The following FAM204A variants were observed in gnomAD, a reference collection of about 807,000 sequenced individuals.
The protein encoded by FAM204A is family with sequence similarity 204 member A, also known as protein FAM204A.
In FAM204A, 16 loss-of-function variants were observed where a neutral mutation model predicts 35.4. That is an observed-to-expected ratio of 0.45 (90% confidence interval 0.31 to 0.69). FAM204A has a LOEUF of 0.69. Among genes scored for constraint, FAM204A ranks in the 30% least tolerant of loss-of-function variants. The probability of loss-of-function intolerance (pLI) is 0.07; values close to 1 mark genes in which losing one functional copy is unlikely to be tolerated. For missense variants in FAM204A, 240 were observed against 265.7 expected, an observed-to-expected ratio of 0.90 and a Z score of 0.67; for synonymous variants, 76 against 86.9, an observed-to-expected ratio of 0.88 and a Z score of 0.70.
At chr10:118,326,279 A>G (rs751544654) in intron 6 of FAM204A, 36 bp from the exon 7 acceptor site, 35 of 1,558,186 alleles carry the variant, frequency 2.2e-5, no homozygotes, top group Admixed American at 8.5e-5. Flanking sequence ...AAGGGCTGGA[A>G]GGAAAGCAAA....
intron 7 of FAM204A, among the ~76,000 whole-genome samples, chr10:118,315,595 C>T (rs1463850737): frequency 1.3e-5 from 2 of 152,040 alleles, no homozygotes; most frequent in African/African-American, 2.4e-5. Flanking sequence ...AAAGCGGAAC[C>T]ATTACTGGAG....
At chr10:118,334,605 C>A (rs1377245928) in intron 6 of FAM204A, among the ~76,000 whole-genome samples, 1 of 152,196 alleles carries the variant, frequency 6.6e-6, no homozygotes, top group African/African-American at 2.4e-5. Flanking sequence ...TGACTCTCAA[C>A]TGCATTGTGA....
intron 7 of FAM204A, 144 bp from the exon 8 acceptor site, chr10:118,311,457 T>C: frequency 1.5e-6 from 1 of 660,026 alleles, no homozygotes; most frequent in South Asian, 2.1e-5. Context: ...CTTCTCAAAG[T>C]ATAATGAATA....
chr10:118,328,792 T>C (rs533473624), intron 6 of FAM204A, among the ~76,000 whole-genome samples: 2 of 152,142 alleles, frequency 1.3e-5, no homozygotes, highest in East Asian at 3.9e-4. Flanking sequence ...CACCTGGCCA[T>C]GTCCTCATTC....
chr10:118,332,110 T>C (rs888941279), intron 6 of FAM204A, among the ~76,000 whole-genome samples: 1 of 130,724 alleles, frequency 7.6e-6, no homozygotes, highest in Non-Finnish European at 1.5e-5. Flanking sequence ...AAGTGGAGGA[T>C]GCAGTGAGCT....
At position 118,298,641 on chromosome 10, in the gene FAM204A, C is replaced by T. The variant is rs932937440; in HGVS notation, c.*12216G>A. ...GGACAAGATCTAGCTTGGAGCAGGT[C>T]GTAGCAGAGGACAGACATTTTACAA... is the stretch of plus-strand genomic sequence containing the variant. On this transcript the variant is annotated 3_prime_UTR_variant, in exon 9 of 9. Transcript: ENST00000369183. 2 of 152,168 alleles carry T rather than the reference C, an allele frequency of 1.3e-5. No individual in the cohort carries two copies. The highest frequency in any genetic ancestry group is 4.8e-5 in the African/African-American group (2 of 41,430). The allele number at this position is 152,168 out of a possible 1,614,324, so 9.4% of individuals were successfully genotyped here.
chr10:118,322,367 G>C, intron 7 of FAM204A: 3 of 456,324 alleles, frequency 6.6e-6, no homozygotes, highest in South Asian at 4.7e-5. Context: ...CGAGTCTCTG[G>C]ATCGCTGACA....
chr10:118,310,615 T>C lies in FAM204A; in HGVS notation c.*242A>G, dbSNP rs552487526. The stretch of plus-strand genomic sequence containing the variant: ...CATACAAATAAACAAAATCCTATCC[T>C]CTTCTTTCTATATTTTTTTTCTTAC... On this transcript the variant is annotated 3_prime_UTR_variant, in exon 9 of 9. Transcript: ENST00000369183. 1.3e-5 allele frequency: 6 copies of C among 477,174 alleles called. No homozygotes were observed. In the South Asian group the frequency reaches 1.9e-4, roughly 15 times the overall value. The allele number at this position is 477,174 out of a possible 1,614,324, so 29.6% of individuals were successfully genotyped here.
chr10:118,332,509 TATGCCCCTCCCTCCACATCCTA>T (rs1410402031), intron 6 of FAM204A, among the ~76,000 whole-genome samples: 11 of 96,344 alleles, frequency 1.1e-4, no homozygotes, highest in African/African-American at 2.4e-4. Flanking sequence ...TCCACATCCC[TATGCCCCTCCCTCCACATCCTA>T]ATGCCCCTCC....
chr10:118,340,313 G>A (rs897334746), intron 2 of FAM204A, among the ~76,000 whole-genome samples: 6 of 152,250 alleles, frequency 3.9e-5, no homozygotes, highest in African/African-American at 1.4e-4. Flanking sequence ...GGTTACAGGG[G>A]GAAAAAGTCT....
rs1489021765 is a variant in FAM204A at position 118,301,776 on chromosome 10, C to A, written c.*9081G>T. 4 of 152,142 alleles carry A rather than the reference C, an allele frequency of 2.6e-5. No homozygotes were observed. The allele number at this position is 152,142 out of a possible 1,614,324, so 9.4% of individuals were successfully genotyped here. A position where few individuals can be genotyped will look rare whatever the true frequency, so the allele number is the denominator to read the frequency against. On this transcript the variant is annotated 3_prime_UTR_variant, in exon 9 of 9. Coordinates refer to ENST00000369183, the MANE Select transcript of FAM204A (RefSeq NM_022063.3). ...ATAAGATAGCTACTATTATTATCTC[C>A]ATTTCTCAGGAGAACCCAAGGTACA...
chr10:118,318,033 T>C (rs1747808480), intron 7 of FAM204A, among the ~76,000 whole-genome samples: 1 of 151,978 alleles, frequency 6.6e-6, no homozygotes. Context: ...TGAAAGGTTT[T>C]TTCCCTCCCC....
At position 118,310,626 on chromosome 10, in the gene FAM204A, T is replaced by C. The variant is rs1845938334; in HGVS notation, c.*231A>G. On this transcript the variant is annotated 3_prime_UTR_variant, in exon 9 of 9. Transcript: ENST00000369183. ...ACAAAATCCTATCCTCTTCTTTCTA[T>C]ATTTTTTTTCTTACATTTCTTATAC... 1 of 494,924 alleles carries C rather than the reference T, an allele frequency of 2.0e-6. No homozygotes were observed. The highest frequency in any genetic ancestry group is 3.7e-5 in the East Asian group (1 of 27,210). 30.7% of individuals were successfully genotyped at this position (494,924 alleles called of 1,614,324 possible). A position where few individuals can be genotyped will look rare whatever the true frequency, so the allele number is the denominator to read the frequency against.
At position 118,305,885 on chromosome 10, in the gene FAM204A, C is replaced by A. The variant is rs564378147; in HGVS notation, c.*4972G>T. 6.6e-6 allele frequency: 1 copy of A among 152,172 alleles called. No individual in the cohort carries two copies. The highest frequency in any genetic ancestry group is 1.5e-5 in the Non-Finnish European group (1 of 68,030). The allele number at this position is 152,172 out of a possible 1,614,324, so 9.4% of individuals were successfully genotyped here. A position where few individuals can be genotyped will look rare whatever the true frequency, so the allele number is the denominator to read the frequency against. Reference sequence around the variant, plus strand: ...ATTCATAATTACTTCTAGTATCACCCATCTTACAAATGAAAACACTTTTTA... The same window carrying A: ...ATTCATAATTACTTCTAGTATCACCAATCTTACAAATGAAAACACTTTTTA... On this transcript the variant is annotated 3_prime_UTR_variant, in exon 9 of 9. Transcript: ENST00000369183.
In FAM204A at chr10:118,310,649, T is replaced by A; in HGVS notation, c.*208A>T. The A allele has an allele frequency of 1.9e-6, 1 of 525,234 alleles. No homozygotes were observed. The highest frequency in any genetic ancestry group is 3.3e-6 in the Non-Finnish European group (1 of 304,400). 32.5% of individuals were successfully genotyped at this position (525,234 alleles called of 1,614,324 possible). ...TATATTTTTTTTCTTACATTTCTTA[T>A]ACAAATAACAGAATGCTTCATTTTA... On this transcript the variant is annotated 3_prime_UTR_variant, in exon 9 of 9. Coordinates refer to ENST00000369183, the MANE Select transcript of FAM204A (RefSeq NM_022063.3).
intron 7 of FAM204A, among the ~76,000 whole-genome samples, chr10:118,322,857 A>T (rs1020371052): frequency 2.7e-4 from 41 of 152,094 alleles, no homozygotes; most frequent in Admixed American, 2.7e-3. Context: ...AGCATTACTA[A>T]CTCTACTAAA....
Position 118,322,185 on chromosome 10 carries a change from A to G in FAM204A, c.543+3969T>C. On this transcript the variant is annotated intron_variant, in intron 7 of 8. Transcript: ENST00000369183. ...GCAGTGGACACTAAAACAAACAGGG[A>G]AAACATGAGAAAGAGAACATTTACA... is the stretch of plus-strand genomic sequence containing the variant. 2.5e-5 allele frequency: 6 copies of G among 241,026 alleles called. 1 individual carries two copies. Among genetic ancestry groups the G allele is most frequent in the Middle Eastern group, 9.5e-4 (2 of 2,110 alleles). The allele number at this position is 241,026 out of a possible 1,614,324, so 14.9% of individuals were successfully genotyped here. A position where few individuals can be genotyped will look rare whatever the true frequency, so the allele number is the denominator to read the frequency against.
At chr10:118,311,119 A>T (rs1168483860) in intron 8 of FAM204A, 88 bp downstream of exon 8, 2 of 1,237,998 alleles carry the variant, frequency 1.6e-6, no homozygotes, top group Non-Finnish European at 2.3e-6. Context: ...ATGAGTTAAC[A>T]GTTATACACG....
Position 118,303,949 on chromosome 10 carries a change from G to A in FAM204A, c.*6908C>T, listed in dbSNP as rs535754072. 6.6e-6 allele frequency: 1 copy of A among 152,290 alleles called. No homozygotes were observed. The highest frequency in any genetic ancestry group is 2.1e-4 in the South Asian group (1 of 4,830). The allele number at this position is 152,290 out of a possible 1,614,324, so 9.4% of individuals were successfully genotyped here. A position where few individuals can be genotyped will look rare whatever the true frequency, so the allele number is the denominator to read the frequency against. On this transcript the variant is annotated 3_prime_UTR_variant, in exon 9 of 9. Coordinates refer to ENST00000369183, the MANE Select transcript of FAM204A (RefSeq NM_022063.3). ...GGGCTTTGCTCCCTCCCTTACAAAT[G>A]TTTCCTGAAGTGCATACTTTTACAA...
Sources: gnomAD v4.1 joint callset for allele counts (sites outside exome capture counted in the v4.1 genomes callset) on GRCh38, gnomAD v4.1.1 for gene constraint, MANE v1.5 for transcripts, NCBI Gene and HGNC (gene_info 2026-07-23, HGNC 2026-07-21) for gene names.